SYCP2: variants seen among roughly 807,000 people sequenced by gnomAD.
SYCP2 encodes the protein synaptonemal complex protein 2.
SYCP2 carries 55 observed loss-of-function variants against 211.3 expected under a neutral mutation model. The ratio of observed to expected loss-of-function variants is 0.26; its 90% CI spans 0.21 to 0.33. The LOEUF (loss-of-function observed/expected upper bound fraction) is 0.33. SYCP2 is among the 10% of genes least tolerant of loss of function. SYCP2 has a pLI of 1.00. For missense variants in SYCP2, 1,731 were observed against 1,752.0 expected, an observed-to-expected ratio of 0.99 and a Z score of 0.21; for synonymous variants, 570 against 555.2, an observed-to-expected ratio of 1.03 and a Z score of -0.37.
Position 59,901,645 on chromosome 20 carries a change from T to G in SYCP2, c.1182+17A>C. ...AATTATGAAAATAGTAAATATTTAT[T>G]AAGTTTAAAGACTTACCCTATGTTT... On this transcript the variant is annotated intron_variant, in intron 16 of 44. Coordinates refer to ENST00000357552, the MANE Select transcript of SYCP2 (RefSeq NM_014258.4). 1 of 1,360,696 alleles carries G rather than the reference T, an allele frequency of 7.3e-7. No individual in the cohort carries two copies. The highest frequency in any genetic ancestry group is 1.0e-6 in the Non-Finnish European group (1 of 992,568). 84.3% of individuals were successfully genotyped at this position (1,360,696 alleles called of 1,614,324 possible).
chr20:59,869,420 T>G (rs1568904730), intron 36 of SYCP2, among the ~76,000 whole-genome samples: 3 of 151,734 alleles, frequency 2.0e-5, no homozygotes, highest in Admixed American at 1.3e-4. Flanking sequence ...TCTGTCTTGA[T>G]TTTCTATATT....
At chr20:59,901,008 C>T (rs1021986160) in intron 16 of SYCP2, among the ~76,000 whole-genome samples, 190 bp from the exon 17 acceptor site, 1 of 152,010 alleles carries the variant, frequency 6.6e-6, no homozygotes, top group Non-Finnish European at 1.5e-5. Context: ...TAACCAGTCA[C>T]CTTAGCTTGT....
intron 20 of SYCP2, among the ~76,000 whole-genome samples, chr20:59,893,949 C>A (rs184398394): frequency 5.4e-4 from 82 of 151,884 alleles, no homozygotes; most frequent in African/African-American, 1.9e-3. Flanking sequence ...TGATATGGTC[C>A]ATTCTTTCTT....
Position 59,911,796 on chromosome 20 carries a change from T to C in SYCP2, c.926A>G (p.Asn309Ser), listed in dbSNP as rs2060334189. 2 of 1,592,272 alleles carry C rather than the reference T, an allele frequency of 1.3e-6. No homozygotes were observed. The highest frequency in any genetic ancestry group is 2.7e-5 in the African/African-American group (2 of 74,356). Residue 309 changes from asparagine to serine, a missense_variant, in exon 14 of 45, where the codon AAT becomes AGT. By Grantham distance (46) the Asn-to-Ser change is conservative. Around this residue, in one of 3 missense-constraint regions of SYCP2, gnomAD observed 335 missense variants for 378.8 expected, o/e 0.88. Transcript: ENST00000357552. Reference sequence around the variant, plus strand: ...GAATGAGAGAGTCTGACTCCCAAGATTAAAATCAATCCAAAATTCCTCAAG... The same window carrying C: ...GAATGAGAGAGTCTGACTCCCAAGACTAAAATCAATCCAAAATTCCTCAAG... ...EKLEEFWIDF[N>S]LGSQTLSFYI... is the part of the protein sequence containing the mutation.
intron 2 of SYCP2, among the ~76,000 whole-genome samples, chr20:59,928,992 A>C (rs975003817): frequency 6.6e-6 from 1 of 152,128 alleles, no homozygotes; most frequent in Non-Finnish European, 1.5e-5. Context: ...GCATACTAGG[A>C]AGACATTTGC....
At position 59,882,407 on chromosome 20, in the gene SYCP2, A is replaced by G. The variant is rs114107412; in HGVS notation, c.2530-242T>C. Among the ~76,000 whole-genome samples, 1,098 of 152,212 alleles carry G rather than the reference A, an allele frequency of 7.2e-3. 18 individuals are homozygous for G. Among genetic ancestry groups the G allele is most frequent in the African/African-American group, 0.025 (1,036 of 41,530 alleles). The stretch of plus-strand genomic sequence containing the variant: ...TAACAGTGTGAAGTTTCCTCAAAAA[A>G]CTAAAAATAGAACTACAGTATGATC... On this transcript the variant is annotated intron_variant, in intron 26 of 44. Coordinates refer to ENST00000357552, the MANE Select transcript of SYCP2 (RefSeq NM_014258.4).
chr20:59,866,492 G>C lies in SYCP2; in HGVS notation c.4220+3C>G, dbSNP rs775680478. On this transcript the variant is annotated splice_donor_region_variant and intron_variant, in intron 40 of 44. Coordinates refer to ENST00000357552, the MANE Select transcript of SYCP2 (RefSeq NM_014258.4). ...GTTTTCAGAACAGATTTTTATTACA[G>C]ACCTAGAGTCCTGACTTTGATGATT... The C allele has an allele frequency of 6.2e-7, 1 of 1,605,824 alleles. No homozygotes were observed. Among genetic ancestry groups the C allele is most frequent in the East Asian group, 2.2e-5 (1 of 44,662 alleles).
rs955529624 is a variant in SYCP2, at chr20:59,893,254, G to A, written c.1736-55C>T. 13 of 1,179,866 alleles carry A rather than the reference G, an allele frequency of 1.1e-5. No homozygotes were observed. In the African/African-American group the frequency reaches 1.2e-4, roughly 11 times the overall value. 73.1% of individuals were successfully genotyped at this position (1,179,866 alleles called of 1,614,324 possible). On this transcript the variant is annotated intron_variant, in intron 21 of 44. Transcript: ENST00000357552. Reference sequence around the variant, plus strand: ...ATTTTTTTCATGCAGTTGGCAGGGGGATAGGGAGGTTAGTATAGAAATCTA... The same window carrying A: ...ATTTTTTTCATGCAGTTGGCAGGGGAATAGGGAGGTTAGTATAGAAATCTA...
chr20:59,865,897 T>A, intron 41 of SYCP2, 32 bp from the exon 42 acceptor site: 1 of 989,030 alleles, frequency 1.0e-6, no homozygotes, highest in Non-Finnish European at 1.4e-6. Context: ...TATTTAGTCC[T>A]AAATATTTTA....
At chr20:59,879,006 GTAAGT>G (rs2059613171) in intron 31 of SYCP2, among the ~76,000 whole-genome samples, 1 of 151,994 alleles carries the variant, frequency 6.6e-6, no homozygotes, top group African/African-American at 2.4e-5. Flanking sequence ...TTTCAATTTC[GTAAGT>G]TAAATTTTAT....
In SYCP2 at chr20:59,914,200, T is replaced by A. The variant is rs749991945; in HGVS notation, c.686A>T (p.Glu229Val). ...ATGTGCCAGTTCTTGTCTTTGTTTT[T>A]CTGTGGTCATTCTACACAAAGCTTC... ...IVEALCRMTT[E>V]KQRQELAHQW... is the part of the protein sequence containing the mutation. The change falls in exon 11 of 45, where the codon GAA becomes GTA. Residue 229 changes from glutamate to valine, a missense_variant. Coordinates refer to ENST00000357552, the MANE Select transcript of SYCP2 (RefSeq NM_014258.4). The A allele has an allele frequency of 6.2e-7, 1 of 1,605,018 alleles. No homozygotes were observed. The highest frequency in any genetic ancestry group is 2.2e-5 in the East Asian group (1 of 44,696).
At chr20:59,866,667 T>G in intron 39 of SYCP2, 78 bp from the exon 40 acceptor site, 1 of 942,420 alleles carries the variant, frequency 1.1e-6, no homozygotes, top group Non-Finnish European at 1.6e-6. Flanking sequence ...CAGCAAATAA[T>G]TTTCCACGAA....
At chr20:59,921,187 A>T (rs1435320886) in intron 4 of SYCP2, 123 bp downstream of exon 4, 2 of 682,258 alleles carry the variant, frequency 2.9e-6, no homozygotes, top group Non-Finnish European at 4.6e-6. Flanking sequence ...ATAAGCATTT[A>T]TTTATATAAT....
At chr20:59,917,319 A>G (rs1318983329) in intron 7 of SYCP2, among the ~76,000 whole-genome samples, 3 of 152,166 alleles carry the variant, frequency 2.0e-5, no homozygotes, top group Admixed American at 2.0e-4. Flanking sequence ...CGCATTTTTG[A>G]AAGATGAGGC....
At chr20:59,878,221 A>AGC (rs2059598837) in intron 31 of SYCP2, among the ~76,000 whole-genome samples, 176 bp from the exon 32 acceptor site, 1 of 152,180 alleles carries the variant, frequency 6.6e-6, no homozygotes, top group African/African-American at 2.4e-5. Context: ...CCAGGATACC[A>AGC]GCCCTCCTGA....
intron 14 of SYCP2, 34 bp downstream of exon 14, chr20:59,911,716 A>T: frequency 9.6e-7 from 1 of 1,037,622 alleles, no homozygotes; most frequent in Non-Finnish European, 1.4e-6. Flanking sequence ...ATATGCATAT[A>T]CATAAAGAAT....
intron 18 of SYCP2, 30 bp downstream of exon 18, chr20:59,900,108 T>G: frequency 6.2e-7 from 1 of 1,608,224 alleles, no homozygotes; most frequent in South Asian, 1.1e-5. Flanking sequence ...ATGGTAGTTT[T>G]ATAAGCCAGT....
At chr20:59,924,580 A>T (rs2060599242) in intron 2 of SYCP2, among the ~76,000 whole-genome samples, 3 of 151,956 alleles carry the variant, frequency 2.0e-5, no homozygotes, top group Non-Finnish European at 2.9e-5. Flanking sequence ...TACATACTCC[A>T]TTGACACCTA....
intron 22 of SYCP2, 28 bp from the exon 23 acceptor site, chr20:59,892,729 T>C: frequency 6.3e-7 from 1 of 1,589,296 alleles, no homozygotes; most frequent in Non-Finnish European, 8.5e-7. Context: ...TTGCTTAATG[T>C]TACAAAACAT....
Sources: allele counts gnomAD v4.1 joint callset (sites outside exome capture counted in the v4.1 genomes callset), GRCh38; gene constraint gnomAD v4.1.1; regional missense constraint gnomAD v4.1.1; transcripts MANE v1.5; gene names NCBI Gene and HGNC (gene_info 2026-07-23, HGNC 2026-07-21).